The following PDE4D variants were observed in gnomAD, a reference collection of about 807,000 sequenced individuals.
PDE4D encodes the protein 3',5'-cyclic-AMP phosphodiesterase 4D.
Under a neutral mutation model 87.4 loss-of-function variants are expected in PDE4D, and 24 were observed. The observed-to-expected ratio is 0.27, with a 90% CI of 0.20 to 0.39. The LOEUF (loss-of-function observed/expected upper bound fraction) is 0.39. PDE4D is among the 10% of genes least tolerant of loss of function. The pLI is 1.00. For missense variants in PDE4D, 714 were observed against 1,041.0 expected, an observed-to-expected ratio of 0.69 and a Z score of 4.32; for synonymous variants, 384 against 383.2, an observed-to-expected ratio of 1.00 and a Z score of -0.02.
intron 2 of PDE4D, among the ~76,000 whole-genome samples, chr5:60,091,363 T>C (rs1385751178): frequency 1.3e-5 from 2 of 152,110 alleles, no homozygotes; most frequent in Non-Finnish European, 2.9e-5. Flanking sequence ...TACAAATGGC[T>C]AATGAGTGTA....
At chr5:59,306,431 C>T (rs577720494) in intron 1 of PDE4D, among the ~76,000 whole-genome samples, 1 of 152,276 alleles carries the variant, frequency 6.6e-6, no homozygotes, top group African/African-American at 2.4e-5. Context: ...ATTCATCATG[C>T]TCTTTGTTGC....
intron 1 of PDE4D, among the ~76,000 whole-genome samples, chr5:60,296,596 G>A (rs1382558253): frequency 6.6e-6 from 1 of 152,124 alleles, no homozygotes; most frequent in Non-Finnish European, 1.5e-5. Flanking sequence ...ATGAGTCAAT[G>A]TTTTCCAATC....
At chr5:59,447,976 A>AAGT (rs1228302634) in intron 1 of PDE4D, among the ~76,000 whole-genome samples, 1 of 152,216 alleles carries the variant, frequency 6.6e-6, no homozygotes, top group Non-Finnish European at 1.5e-5. Context: ...AGCCAAGAAC[A>AAGT]AGTAATGAGA....
chr5:59,840,409 A>G (rs1742808843), intron 1 of PDE4D, among the ~76,000 whole-genome samples: 1 of 151,806 alleles, frequency 6.6e-6, no homozygotes, highest in Non-Finnish European at 1.5e-5. Flanking sequence ...TCATGAGAGG[A>G]GGGGCCTTCC....
intron 1 of PDE4D, among the ~76,000 whole-genome samples, chr5:59,279,306 C>T (rs1315762789): frequency 1.3e-5 from 2 of 152,048 alleles, no homozygotes; most frequent in African/African-American, 2.4e-5. Context: ...TGTACTCTAA[C>T]GTTAATGAGA....
At chr5:59,124,983 TTC>T (rs199926190) in intron 5 of PDE4D, among the ~76,000 whole-genome samples, 12 of 149,936 alleles carry the variant, frequency 8.0e-5, no homozygotes, top group African/African-American at 2.0e-4. Context: ...TTCTTTTCTT[TTC>T]TTTTTTTTTC....
chr5:60,351,051 G>A (rs1759143638), intron 1 of PDE4D, among the ~76,000 whole-genome samples: 1 of 152,174 alleles, frequency 6.6e-6, no homozygotes, highest in East Asian at 1.9e-4. Flanking sequence ...ACAGAGCTGA[G>A]CATGTGCTCA....
intron 1 of PDE4D, among the ~76,000 whole-genome samples, chr5:59,455,537 AG>A (rs1799783604): frequency 6.6e-6 from 1 of 152,222 alleles, no homozygotes; most frequent in African/African-American, 2.4e-5. Flanking sequence ...GCCCTCATGG[AG>A]AACCTCTGCT....
intron 6 of PDE4D, among the ~76,000 whole-genome samples, chr5:59,014,634 A>G (rs1753592682): frequency 6.6e-6 from 1 of 152,204 alleles, no homozygotes; most frequent in East Asian, 1.9e-4. Flanking sequence ...CTGCTCAACA[A>G]AATAAAAGAG....
At chr5:59,386,529 T>C (rs1787027513) in intron 1 of PDE4D, among the ~76,000 whole-genome samples, 1 of 137,902 alleles carries the variant, frequency 7.3e-6, no homozygotes, top group Non-Finnish European at 1.6e-5. Flanking sequence ...AGAATATGAC[T>C]TGGGCCTGGG....
chr5:59,175,585 G>C (rs55730818), intron 5 of PDE4D, among the ~76,000 whole-genome samples: 55,091 of 145,102 alleles, frequency 0.38, 10,907 homozygotes, highest in Middle Eastern at 0.46. Flanking sequence ...GAGTTCAAGC[G>C]ATTTCCTGTC....
intron 2 of PDE4D, among the ~76,000 whole-genome samples, chr5:60,004,864 T>C (rs1234040907): frequency 6.6e-6 from 1 of 152,158 alleles, no homozygotes; most frequent in Non-Finnish European, 1.5e-5. Flanking sequence ...AAAACGTAAA[T>C]TGGTAACTCC....
At position 59,203,746 on chromosome 5, in the gene PDE4D, G is replaced by A. The variant is rs1011630481; in HGVS notation, c.648-10210C>T. ...TTAGTGAAATAAGCCAGGCAAGAAA[G>A]ATAAATACCATGTGATCTCACACAT... is the stretch of plus-strand genomic sequence containing the variant. On this transcript the variant is annotated intron_variant, in intron 2 of 14. Transcript: ENST00000340635. Among the ~76,000 whole-genome samples the A allele has an allele frequency of 2.6e-5, 4 of 152,064 alleles. No homozygotes were observed. The East Asian group carries it at 7.7e-4, about 29-fold the overall frequency.
At chr5:60,207,196 A>G (rs1293033369) in intron 1 of PDE4D, among the ~76,000 whole-genome samples, 2 of 152,204 alleles carry the variant, frequency 1.3e-5, no homozygotes, top group Non-Finnish European at 2.9e-5. Context: ...GGTGGCTAAT[A>G]AGGAGGAAGG....
chr5:59,592,355 A>C (rs1327243345), intron 1 of PDE4D, among the ~76,000 whole-genome samples: 1 of 152,218 alleles, frequency 6.6e-6, no homozygotes, highest in Non-Finnish European at 1.5e-5. Context: ...TCAGTTGCTG[A>C]GAGTCAGGGA....
chr5:59,528,234 C>T (rs1813518396), intron 1 of PDE4D, among the ~76,000 whole-genome samples: 2 of 152,172 alleles, frequency 1.3e-5, no homozygotes, highest in South Asian at 2.1e-4. Flanking sequence ...ATAAAGCTTG[C>T]TTAAGGAAGC....
chr5:59,622,423 C>G (rs182642756), intron 1 of PDE4D, among the ~76,000 whole-genome samples: 1 of 152,302 alleles, frequency 6.6e-6, no homozygotes, highest in East Asian at 1.9e-4. Context: ...TCTGATGTAG[C>G]TGACTTTTTG....
chr5:59,449,898 A>G (rs1798892752), intron 1 of PDE4D, among the ~76,000 whole-genome samples: 1 of 152,220 alleles, frequency 6.6e-6, no homozygotes, highest in African/African-American at 2.4e-5. Flanking sequence ...CTATATGCAG[A>G]ACTTTTATGA....
intron 1 of PDE4D, among the ~76,000 whole-genome samples, chr5:60,454,024 G>A (rs1393454135): frequency 6.6e-6 from 1 of 152,134 alleles, no homozygotes; most frequent in African/African-American, 2.4e-5. Context: ...TCAGGGCTAG[G>A]AAGCCTGGTC....
Sources: gnomAD v4.1 joint callset for allele counts (sites outside exome capture counted in the v4.1 genomes callset) on GRCh38, gnomAD v4.1.1 for gene constraint, MANE v1.5 for transcripts, NCBI Gene and HGNC (gene_info 2026-07-23, HGNC 2026-07-21) for gene names.